CSMD1: variants seen among roughly 807,000 people sequenced by gnomAD.
The protein encoded by CSMD1 is CUB and sushi domain-containing protein 1.
In CSMD1, 213 loss-of-function variants were observed where a neutral mutation model predicts 417.5. That is an observed-to-expected ratio of 0.51 (90% CI 0.46 to 0.57). The LOEUF is 0.57. Ranked by LOEUF, CSMD1 falls within the 20% of genes least tolerant of loss-of-function variation. CSMD1 has a pLI of 0.00. For synonymous variants in CSMD1, 2,862 were observed against 1,736.8 expected (o/e 1.65, Z -16.11); for missense variants, 6,923 against 4,529.7 (o/e 1.53, Z -15.17).
chr8:3,420,905 C>G (rs1028159079), intron 12 of CSMD1, among the ~76,000 whole-genome samples: 1 of 151,982 alleles, frequency 6.6e-6, no homozygotes, highest in Non-Finnish European at 1.5e-5. Flanking sequence ...TCACTCTTTC[C>G]TGTTTCTCTT....
chr8:2,951,029 A>G (rs1014137789), intron 66 of CSMD1, 85 bp downstream of exon 66: 7 of 1,361,334 alleles, frequency 5.1e-6, no homozygotes, highest in Non-Finnish European at 7.1e-6. Flanking sequence ...TAAGTACTTA[A>G]TACTTACTAG....
intron 39 of CSMD1, among the ~76,000 whole-genome samples, chr8:3,152,255 G>A (rs547085209): frequency 6.6e-6 from 1 of 152,336 alleles, no homozygotes; most frequent in Non-Finnish European, 1.5e-5. Flanking sequence ...TGACTACAAA[G>A]AGACACAACT....
At chr8:3,299,126 G>T (rs1584953471) in intron 25 of CSMD1, among the ~76,000 whole-genome samples, 1 of 152,032 alleles carries the variant, frequency 6.6e-6, no homozygotes, top group Non-Finnish European at 1.5e-5. Flanking sequence ...CAAAATGCCA[G>T]ACACAATTCC....
chr8:3,794,966 T>C (rs1406653630), intron 5 of CSMD1, among the ~76,000 whole-genome samples: 1 of 151,912 alleles, frequency 6.6e-6, no homozygotes, highest in Admixed American at 6.6e-5. Flanking sequence ...ATCTATCATG[T>C]ATAGCTATAG....
chr8:3,747,064 G>C (rs13279005), intron 6 of CSMD1, among the ~76,000 whole-genome samples: 2 of 152,014 alleles, frequency 1.3e-5, no homozygotes, highest in Non-Finnish European at 2.9e-5. Flanking sequence ...ACTAAAACAC[G>C]TTCTGATGTT....
chr8:3,987,111 C>G (rs1379712276), intron 5 of CSMD1, among the ~76,000 whole-genome samples: 3 of 152,152 alleles, frequency 2.0e-5, no homozygotes, highest in Non-Finnish European at 4.4e-5. Flanking sequence ...TTTCTCCCAA[C>G]TTACTGGAAT....
At chr8:4,682,996 T>G (rs188110100) in intron 1 of CSMD1, among the ~76,000 whole-genome samples, 1 of 98,248 alleles carries the variant, frequency 1.0e-5, no homozygotes. Context: ...ATATATATAG[T>G]CACACATAAA....
At chr8:3,910,337 C>T (rs543370154) in intron 5 of CSMD1, among the ~76,000 whole-genome samples, 3 of 152,216 alleles carry the variant, frequency 2.0e-5, no homozygotes, top group South Asian at 2.1e-4. Flanking sequence ...TGCAAACTGA[C>T]GACAGGGTGG....
At chr8:4,956,244 G>A (rs62489436) in intron 1 of CSMD1, among the ~76,000 whole-genome samples, 15,756 of 135,502 alleles carry the variant, frequency 0.12, 1,049 homozygotes, top group African/African-American at 0.2. Context: ...CTCCTTACTC[G>A]CTATTTTTTT....
intron 3 of CSMD1, among the ~76,000 whole-genome samples, chr8:4,139,991 G>C (rs978385890): frequency 6.6e-6 from 1 of 150,944 alleles, no homozygotes; most frequent in African/African-American, 2.5e-5. Flanking sequence ...GGGGTTGCAG[G>C]TAGGAGGTAA....
At chr8:3,222,868 T>G (rs1427190564) in intron 28 of CSMD1, among the ~76,000 whole-genome samples, 1 of 152,152 alleles carries the variant, frequency 6.6e-6, no homozygotes, top group Non-Finnish European at 1.5e-5. Flanking sequence ...TCAGATCTCA[T>G]CAGGAGGAGA....
chr8:3,824,945 A>T (rs1801968809), intron 5 of CSMD1, among the ~76,000 whole-genome samples: 1 of 151,492 alleles, frequency 6.6e-6, no homozygotes, highest in Admixed American at 6.5e-5. Flanking sequence ...AACAATGATT[A>T]ATCTGATTTT....
chr8:3,510,931 G>C (rs1208968222), intron 10 of CSMD1, among the ~76,000 whole-genome samples: 1 of 151,668 alleles, frequency 6.6e-6, no homozygotes, highest in African/African-American at 2.4e-5. Flanking sequence ...ACATGCACAC[G>C]TATGTTTACT....
rs193050752 is a variant in CSMD1 at position 4,280,772 on chromosome 8, A to G, written c.415+139181T>C. 3.9e-3 allele frequency among the ~76,000 whole-genome samples: 587 copies of G among 152,330 alleles called. 7 individuals carry two copies. Among genetic ancestry groups the G allele is most frequent in the African/African-American group, 0.013 (560 of 41,570 alleles). ...CCCATATTTTTAAAAACATGTTACT[A>G]TATATAAAATATTATTTGAACGTAT... On this transcript the variant is annotated intron_variant, in intron 3 of 69. Transcript: ENST00000635120.
intron 2 of CSMD1, among the ~76,000 whole-genome samples, chr8:4,631,610 G>C (rs1457145784): frequency 6.6e-6 from 1 of 152,068 alleles, no homozygotes; most frequent in Non-Finnish European, 1.5e-5. Flanking sequence ...TTTTGTCATG[G>C]TGTGTAACCT....
At chr8:3,139,885 CTTTT>C (rs1293766365) in intron 41 of CSMD1, among the ~76,000 whole-genome samples, 4 of 146,826 alleles carry the variant, frequency 2.7e-5, no homozygotes, top group East Asian at 2.0e-4. Context: ...TTTTTTCTTT[CTTTT>C]TTCTTTTCTT....
chr8:3,846,394 AATAG>A (rs950889436), intron 5 of CSMD1, among the ~76,000 whole-genome samples: 12 of 152,214 alleles, frequency 7.9e-5, no homozygotes, highest in Non-Finnish European at 1.3e-4. Flanking sequence ...CTACATGTGA[AATAG>A]ATAAACATAT....
chr8:4,325,453 G>A (rs1220124283), intron 3 of CSMD1, among the ~76,000 whole-genome samples: 1 of 152,142 alleles, frequency 6.6e-6, no homozygotes, highest in African/African-American at 2.4e-5. Context: ...TTTACTTCAT[G>A]TAAGAATCGT....
At chr8:4,965,644 A>C (rs1294430099) in intron 1 of CSMD1, among the ~76,000 whole-genome samples, 1 of 152,228 alleles carries the variant, frequency 6.6e-6, no homozygotes, top group African/African-American at 2.4e-5. Flanking sequence ...TAGCTGTATA[A>C]GTGGAATGAA....
Sources: allele counts gnomAD v4.1 joint callset (sites outside exome capture counted in the v4.1 genomes callset), GRCh38; gene constraint gnomAD v4.1.1; transcripts MANE v1.5; gene names NCBI Gene and HGNC (gene_info 2026-07-23, HGNC 2026-07-21).